The following FLT4 variants were observed in gnomAD, a reference collection of about 807,000 sequenced individuals.
FLT4 encodes fms related receptor tyrosine kinase 4.
Under a neutral mutation model 163.2 loss-of-function variants are expected in FLT4, and 30 were observed. The ratio of observed to expected loss-of-function variants is 0.18; its 90% CI spans 0.14 to 0.25. The LOEUF (loss-of-function observed/expected upper bound fraction) is 0.25, where lower values mean the gene tolerates loss of function less well. Among genes scored for constraint, FLT4 ranks in the 10% least tolerant of loss-of-function variants. The pLI is 1.00. For missense variants in FLT4, 1,510 were observed against 1,863.8 expected (o/e 0.81, Z 3.50); for synonymous variants, 884 against 789.5 (o/e 1.12, Z -2.01).
chr5:180,630,341 T>C lies in FLT4; in HGVS notation c.401-4A>G, dbSNP rs906548742. On this transcript the variant is annotated splice_polypyrimidine_tract_variant and splice_region_variant and intron_variant, in intron 3 of 29. Coordinates refer to ENST00000261937, the MANE Select transcript of FLT4 (RefSeq NM_182925.5). The surrounding 1 kb of genome is among the most constrained non-coding windows in gnomAD (Gnocchi z 6.3). ...TTGATGAATGGCTGCTCAAAGTCTA[T>C]GGAGAGGGAGCAAGCTGTTGGGGAA... is the stretch of plus-strand genomic sequence containing the variant. The C allele has an allele frequency of 6.2e-6, 10 of 1,607,572 alleles. No individual in the cohort carries two copies. The highest frequency in any genetic ancestry group is 1.3e-5 in the African/African-American group (1 of 74,984).
rs1201808868 is a variant in FLT4, at chr5:180,618,969, A to G, written c.2851-49T>C. The G allele has an allele frequency of 2.6e-6, 4 of 1,555,658 alleles. No homozygotes were observed. The African/African-American group carries it at 5.4e-5, about 21-fold the overall frequency. ...GAGGGCGCCCAGTCGTCCGCCGCAG[A>G]GGCGCCTCCATTCCCCCGCCGCCCG... On this transcript the variant is annotated intron_variant, in intron 20 of 29. Transcript: ENST00000261937.
Position 180,630,653 on chromosome 5 carries a change from A to T in FLT4, c.302T>A (p.Val101Glu), listed in dbSNP as rs1330216305. Residue 101 changes from valine to glutamate, a missense_variant, in exon 3 of 30, where the codon GTA becomes GAA. Transcript: ENST00000261937. The surrounding 1 kb of genome is among the most constrained non-coding windows in gnomAD (Gnocchi z 6.3). ...PYCKVLLLHE[V>E]HANDTGSYVC... is the part of the protein sequence containing the mutation. ...GTAGCTGCCTGTGTCGTTGGCATGT[A>T]CCTCGTGCAGCAGCAACACCTTGCA... 6.2e-7 allele frequency: 1 copy of T among 1,612,974 alleles called. No homozygotes were observed. The highest frequency in any genetic ancestry group is 1.7e-5 in the Admixed American group (1 of 60,010).
chr5:180,633,371 C>T (rs1390407880), intron 1 of FLT4, among the ~76,000 whole-genome samples: 2 of 152,186 alleles, frequency 1.3e-5, no homozygotes, highest in East Asian at 1.9e-4. Flanking sequence ...GGCAGCGCCT[C>T]GCCTGTCTGC....
chr5:180,630,163 C>A lies in FLT4; in HGVS notation c.514-58G>T. 1 of 1,064,296 alleles carries A rather than the reference C, an allele frequency of 9.4e-7. No homozygotes were observed. The allele number at this position is 1,064,296 out of a possible 1,614,324, so 65.9% of individuals were successfully genotyped here. On this transcript the variant is annotated intron_variant, in intron 4 of 29. Transcript: ENST00000261937. This position sits in a 1 kb window ranked among gnomAD's most constrained non-coding sequence, Gnocchi z 6.3. ...TGCCCCTTGCTCCTGGCCAGACAGGCGGCCGCCTTTCCCAGGGGTGGGATG... is the reference window on the plus strand; with the variant it reads ...TGCCCCTTGCTCCTGGCCAGACAGGAGGCCGCCTTTCCCAGGGGTGGGATG...
rs766329849 is a variant in FLT4 at position 180,616,889 on chromosome 5, G to A, written c.3096+11C>T. The A allele has an allele frequency of 2.5e-6, 4 of 1,609,398 alleles. No homozygotes were observed. The highest frequency in any genetic ancestry group is 3.4e-6 in the Non-Finnish European group (4 of 1,176,290). Reference sequence around the variant, plus strand: ...CTTTTCCCGTCTGAAGGGCCTTCGGGGGAAGCTCACCTTTCGGGAAGCCAG... The same window carrying A: ...CTTTTCCCGTCTGAAGGGCCTTCGGAGGAAGCTCACCTTTCGGGAAGCCAG... On this transcript the variant is annotated intron_variant, in intron 22 of 29. Transcript: ENST00000261937.
chr5:180,617,097 C>T (rs1005961182), intron 21 of FLT4, 103 bp from the exon 22 acceptor site: 1 of 836,200 alleles, frequency 1.2e-6, no homozygotes, highest in East Asian at 2.6e-5. Context: ...CTCTCCTGCC[C>T]CTCAGACTCT....
chr5:180,646,609 G>T (rs73812650), intron 1 of FLT4, among the ~76,000 whole-genome samples: 4,149 of 152,258 alleles, frequency 0.027, 91 homozygotes, highest in South Asian at 0.12. Context: ...GCCTCACCAG[G>T]GCCCCTGAAC....
At chr5:180,639,020 T>C (rs1162514801) in intron 1 of FLT4, among the ~76,000 whole-genome samples, 2 of 2,190 alleles carry the variant, frequency 9.1e-4, no homozygotes, top group Admixed American at 0.01. Flanking sequence ...TATGGATGGA[T>C]GGGTGGGTGG....
chr5:180,640,851 C>G (rs562523176), intron 1 of FLT4, among the ~76,000 whole-genome samples: 53 of 152,322 alleles, frequency 3.5e-4, no homozygotes, highest in African/African-American at 1.2e-3. Flanking sequence ...CTGTGCCATA[C>G]CCTGGTGGGA....
At position 180,601,755 on chromosome 5, in the gene FLT4, G is replaced by A. The variant is rs1249850943; in HGVS notation, c.*1437C>T. 1 of 233,350 alleles carries A rather than the reference G, an allele frequency of 4.3e-6. No homozygotes were observed. Among genetic ancestry groups the A allele is most frequent in the East Asian group, 6.0e-5 (1 of 16,590 alleles). 14.5% of individuals were successfully genotyped at this position (233,350 alleles called of 1,614,324 possible). A position where few individuals can be genotyped will look rare whatever the true frequency, so the allele number is the denominator to read the frequency against. ...CCACGTTGGACGACGTGCAGAGGAA[G>A]GGGGAGGTCCACGGGGACGACGAAG... On this transcript the variant is annotated 3_prime_UTR_variant, in exon 30 of 30. Coordinates refer to ENST00000261937, the MANE Select transcript of FLT4 (RefSeq NM_182925.5).
intron 1 of FLT4, among the ~76,000 whole-genome samples, chr5:180,643,784 A>G (rs1430067952): frequency 6.7e-6 from 1 of 149,152 alleles, no homozygotes; most frequent in Non-Finnish European, 1.5e-5. Context: ...GCACTTTTCC[A>G]TAGCTCTGTG....
intron 29 of FLT4, among the ~76,000 whole-genome samples, chr5:180,603,965 G>A (rs903750513): frequency 5.3e-5 from 8 of 151,404 alleles, no homozygotes; most frequent in Admixed American, 3.9e-4. Context: ...AGATCGTGCC[G>A]CTGCACTCCA....
chr5:180,608,608 A>C (rs536080604), intron 29 of FLT4, among the ~76,000 whole-genome samples: 93 of 152,242 alleles, frequency 6.1e-4, no homozygotes, highest in Non-Finnish European at 1.1e-3. Flanking sequence ...TTCTGGAGCC[A>C]CTGGGTGAAG....
intron 22 of FLT4, 103 bp from the exon 23 acceptor site, chr5:180,616,592 G>A (rs2127802670): frequency 1.5e-6 from 2 of 1,301,304 alleles, no homozygotes; most frequent in Non-Finnish European, 2.2e-6. Flanking sequence ...CCATGGGGAT[G>A]CCCTGCCTGA....
chr5:180,611,209 T>G, intron 27 of FLT4, 122 bp downstream of exon 27: 1 of 1,205,942 alleles, frequency 8.3e-7, no homozygotes. Flanking sequence ...GTGCTCTGAG[T>G]TTGTGCACAC....
intron 24 of FLT4, chr5:180,613,454 T>C: frequency 3.2e-6 from 1 of 310,190 alleles, no homozygotes; most frequent in Non-Finnish European, 6.0e-6. Flanking sequence ...AAGCCTCTCT[T>C]GCTTCTCGCT....
At position 180,611,434 on chromosome 5, in the gene FLT4, C is replaced by T; in HGVS notation, c.3583G>A (p.Glu1195Lys). ...CMAPRSSQSS[E>K]EGSFSQVSTM... ...GACACCTGCGAGAAGCTGCCCTCTTCTGAGCTCTGAGAGCTGCGCGGGGCC... is the reference window on the plus strand; with the variant it reads ...GACACCTGCGAGAAGCTGCCCTCTTTTGAGCTCTGAGAGCTGCGCGGGGCC... The change falls in exon 27 of 30, where the codon GAA (glutamate) becomes AAA (lysine). Residue 1195 changes from glutamate to lysine, a missense_variant. Glu to Lys is a moderately conservative substitution (Grantham distance 56). Transcript: ENST00000261937. The T allele has an allele frequency of 6.2e-7, 1 of 1,613,998 alleles. No individual in the cohort carries two copies. The highest frequency in any genetic ancestry group is 8.5e-7 in the Non-Finnish European group (1 of 1,179,968).
chr5:180,639,762 C>A, intron 1 of FLT4, among the ~76,000 whole-genome samples: 1 of 152,194 alleles, frequency 6.6e-6, no homozygotes, highest in Non-Finnish European at 1.5e-5. Flanking sequence ...CCAGCCCCCA[C>A]CTGCAGCCCT....
chr5:180,631,077 TC>T (rs1203262245), intron 2 of FLT4, among the ~76,000 whole-genome samples: 1 of 151,944 alleles, frequency 6.6e-6, no homozygotes, highest in African/African-American at 2.4e-5. Context: ...CAGTGGGTGC[TC>T]CCAGGGTGGC....
Sources: gnomAD v4.1 joint callset for allele counts (sites outside exome capture counted in the v4.1 genomes callset) on GRCh38, gnomAD v4.1.1 for gene constraint, Gnocchi (gnomAD v3.1) non-coding constraint, MANE v1.5 for transcripts, NCBI Gene and HGNC (gene_info 2026-07-23, HGNC 2026-07-21) for gene names.